Variants in MSL3 observed in about 807,000 individuals in gnomAD.
MSL3 encodes the protein MSL complex subunit 3.
Under a neutral mutation model 37.2 loss-of-function variants are expected in MSL3, and 5 were observed. The ratio of observed to expected loss-of-function variants is 0.13; its 90% CI spans 0.07 to 0.28. The LOEUF is 0.28. Among genes scored for constraint, MSL3 ranks in the 10% least tolerant of loss-of-function variants. The pLI, the probability that MSL3 is intolerant of heterozygous loss-of-function variation, is 1.00. For missense variants in MSL3, 315 were observed against 408.5 expected, an observed-to-expected ratio of 0.77 and a Z score of 1.97; for synonymous variants, 149 against 147.6, an observed-to-expected ratio of 1.01 and a Z score of -0.07.
rs1016467323 is a variant in MSL3, at chrX:11,765,320, C to A, written c.909-147C>A. 4.2e-5 allele frequency: 25 copies of A among 598,501 alleles called. No individual in the cohort carries two copies. In the Admixed American group the frequency reaches 6.8e-4, roughly 16 times the overall value. 49.3% of individuals were successfully genotyped at this position (598,501 alleles called of 1,213,427 possible). A position where few individuals can be genotyped will look rare whatever the true frequency, so the allele number is the denominator to read the frequency against. On this transcript the variant is annotated intron_variant, in intron 8 of 12. Coordinates refer to ENST00000312196, the MANE Select transcript of MSL3 (RefSeq NM_078629.4). ...CATCACAATCTTTAATGCCAGCGTG[C>A]CTTGCAGAGTTATGGAGAGGGTCCA...
chrX:11,772,090 AT>A, intron 10 of MSL3, 65 bp from the exon 11 acceptor site: 4 of 762,493 alleles, frequency 5.2e-6, no homozygotes, highest in Non-Finnish European at 8.0e-6. Context: ...TACTGTCATA[AT>A]TGTTAGGTGG....
At chrX:11,767,923 T>C (rs2053199238) in intron 9 of MSL3, 1 of 753,148 alleles carries the variant, frequency 1.3e-6, no homozygotes, top group African/African-American at 2.3e-5. Context: ...GGAAAATTTT[T>C]AAAAAGACTG....
At chrX:11,759,520 T>A (rs2053108650) in intron 1 of MSL3, 3 of 828,310 alleles carry the variant, frequency 3.6e-6, no homozygotes, top group African/African-American at 2.1e-5. Flanking sequence ...CTGGAGTCTC[T>A]CCTTAGTGAC....
intron 4 of MSL3, among the ~76,000 whole-genome samples, chrX:11,761,246 A>C (rs1440919862): frequency 8.9e-6 from 1 of 112,473 alleles, no homozygotes; most frequent in African/African-American, 3.2e-5. Flanking sequence ...TATGAATGCA[A>C]CAGGAAACTG....
At chrX:11,767,815 A>G (rs1601771267) in intron 9 of MSL3, 1 of 682,420 alleles carries the variant, frequency 1.5e-6, no homozygotes, top group Non-Finnish European at 1.7e-6. Context: ...ATTTGTCTCT[A>G]TAGATTTGCC....
At position 11,759,838 on chromosome X, in the gene MSL3, C is replaced by G. The variant is rs763719572; in HGVS notation, c.148C>G (p.Pro50Ala). Residue 50 changes from proline (P) to alanine (A), a missense_variant, in exon 2 of 13, where the codon CCA (proline) becomes GCA (alanine). Transcript: ENST00000312196. ...VGKDEKGRKI[P>A]EYLIHFNGWN... ...GAAAGACGAAAAAGGCAGAAAGATC[C>G]CAGAATATCTGATCCATTTTAATGG... 43 of 1,209,669 alleles carry G rather than the reference C, an allele frequency of 3.6e-5. No individual in the cohort carries two copies. The highest frequency in any genetic ancestry group is 4.7e-5 in the Non-Finnish European group (42 of 895,001).
At chrX:11,769,757 C>G (rs761282736) in intron 10 of MSL3, among the ~76,000 whole-genome samples, 39 of 111,885 alleles carry the variant, frequency 3.5e-4, no homozygotes, top group Non-Finnish European at 6.2e-4. Flanking sequence ...GCTCATGCCA[C>G]CATGGCCTGG....
chrX:11,762,109 A>C, intron 5 of MSL3, 21 bp from the exon 6 acceptor site: 1 of 1,131,515 alleles, frequency 8.8e-7, no homozygotes, highest in Non-Finnish European at 1.2e-6. Flanking sequence ...AATAGTTAAA[A>C]ATGGAATTTT....
Position 11,772,680 on chromosome X carries a change from T to C in MSL3, c.1441T>C (p.Leu481=), listed in dbSNP as rs780505564. 4.2e-5 allele frequency: 49 copies of C among 1,179,406 alleles called. No homozygotes were observed. Among genetic ancestry groups the C allele is most frequent in the Non-Finnish European group, 5.5e-5 (48 of 870,913 alleles). ...SFSEKNLKAL[L]KHFDLFLRFL... ...TTCTGAGAAGAATCTGAAGGCTTTA[T>C]TGAAGCACTTTGATCTCTTTTTGAG... The change falls in exon 12 of 13, where the codon TTG becomes CTG. Residue 481 remains leucine (L), a synonymous_variant. Transcript: ENST00000312196.
chrX:11,771,433 G>A (rs2053231080), intron 10 of MSL3, among the ~76,000 whole-genome samples: 1 of 112,667 alleles, frequency 8.9e-6, no homozygotes, highest in Non-Finnish European at 1.9e-5. Flanking sequence ...TTGATTCAAG[G>A]GGTTAAAAGA....
At position 11,760,446 on chromosome X, in the gene MSL3, G is replaced by C; in HGVS notation, c.229G>C (p.Asp77His). The C allele has an allele frequency of 8.3e-7, 1 of 1,204,154 alleles. No individual in the cohort carries two copies. The highest frequency in any genetic ancestry group is 1.8e-5 in the South Asian group (1 of 55,235). Residue 77 changes from aspartate (D) to histidine (H), a missense_variant, in exon 3 of 13, where the codon GAT becomes CAT. Physicochemically the swap from Asp to His is moderately conservative, Grantham distance 81. Transcript: ENST00000312196. ...AGAAGATCATGTGCTTCGTGATACC[G>C]ATGAAAATCGTAGATTACAGCGTAA... The part of the protein sequence containing the change: ...AAEDHVLRDT[D>H]ENRRLQRKLA...
chrX:11,768,716 C>T (rs1395274130), intron 10 of MSL3, 34 bp downstream of exon 10: 14 of 984,952 alleles, frequency 1.4e-5, no homozygotes, highest in Non-Finnish European at 2.0e-5. Flanking sequence ...CCCAATGGTT[C>T]CTTTATTTGT....
At chrX:11,772,827 G>A (rs2053242697) in intron 12 of MSL3, 122 bp downstream of exon 12, 1 of 407,564 alleles carries the variant, frequency 2.5e-6, no homozygotes, top group South Asian at 5.1e-5. Context: ...TATTACCTAA[G>A]CATGGTTGGT....
chrX:11,772,337 C>T, intron 11 of MSL3, 82 bp downstream of exon 11: 1 of 774,237 alleles, frequency 1.3e-6, no homozygotes, highest in Non-Finnish European at 1.9e-6. Context: ...GTGGTTTGGG[C>T]TATAATTATC....
intron 9 of MSL3, chrX:11,766,588 T>C (rs946878676): frequency 2.1e-5 from 16 of 754,685 alleles, no homozygotes; most frequent in Non-Finnish European, 2.3e-5. Context: ...CTTCCACCCT[T>C]GACTGCCAAA....
chrX:11,768,707 C>G (rs947853497), intron 10 of MSL3, 25 bp downstream of exon 10: 3 of 1,017,484 alleles, frequency 2.9e-6, no homozygotes, highest in Admixed American at 4.4e-5. Context: ...ATGTTTGTTC[C>G]CAATGGTTCC....
chrX:11,759,149 C>G (rs1294558980), intron 1 of MSL3, among the ~76,000 whole-genome samples: 1 of 111,977 alleles, frequency 8.9e-6, no homozygotes, highest in East Asian at 2.8e-4. Context: ...GCCACCTGGG[C>G]GAAGCCTTAG....
intron 9 of MSL3, chrX:11,766,476 A>C (rs1048390167): frequency 9.3e-6 from 7 of 752,379 alleles, no homozygotes; most frequent in African/African-American, 2.3e-5. Context: ...AATTAATTAC[A>C]ATCTGGTTGT....
chrX:11,758,249 C>T lies in MSL3; in HGVS notation c.-15C>T, dbSNP rs755892630. ...CCGCCCGCCCCGGAGCCTCGCCCTC[C>T]GCCACGATGAGCAAATGAGCGCGAG... On this transcript the variant is annotated 5_prime_UTR_variant, in exon 1 of 13. Transcript: ENST00000312196. 2.2e-5 allele frequency: 23 copies of T among 1,024,054 alleles called. No homozygotes were observed. The highest frequency in any genetic ancestry group is 5.0e-5 in the East Asian group (1 of 19,956). 84.4% of individuals were successfully genotyped at this position (1,024,054 alleles called of 1,213,427 possible). A position where few individuals can be genotyped will look rare whatever the true frequency, so the allele number is the denominator to read the frequency against.
Sources: gnomAD v4.1 joint callset for allele counts (sites outside exome capture counted in the v4.1 genomes callset) on GRCh38, gnomAD v4.1.1 for gene constraint, MANE v1.5 for transcripts, NCBI Gene and HGNC (gene_info 2026-07-23, HGNC 2026-07-21) for gene names.